UBXN2A: variants seen among roughly 807,000 people sequenced by gnomAD.
UBXN2A encodes UBX domain-containing protein 2A.
Under a neutral mutation model 28.4 loss-of-function variants are expected in UBXN2A, and 28 were observed. The ratio of observed to expected loss-of-function variants is 0.99; its 90% confidence interval spans 0.73 to 1.35. The LOEUF (loss-of-function observed/expected upper bound fraction) is 1.35, where lower values mean the gene tolerates loss of function less well. Among genes scored for constraint, UBXN2A ranks in the 40% most tolerant of loss-of-function variants. UBXN2A has a pLI of 0.00. For missense variants in UBXN2A, 253 were observed against 297.9 expected, an observed-to-expected ratio of 0.85 and a Z score of 1.11; for synonymous variants, 97 against 103.6, an observed-to-expected ratio of 0.94 and a Z score of 0.39.
At chr2:23,983,539 A>T (rs1022996696) in intron 5 of UBXN2A, among the ~76,000 whole-genome samples, 2 of 152,128 alleles carry the variant, frequency 1.3e-5, no homozygotes, top group Non-Finnish European at 2.9e-5. Context: ...ATACAGTAAA[A>T]AATCATGCAG....
At chr2:23,950,264 C>T (rs1289191960) in intron 1 of UBXN2A, among the ~76,000 whole-genome samples, 1 of 151,950 alleles carries the variant, frequency 6.6e-6, no homozygotes, top group Non-Finnish European at 1.5e-5. Context: ...TGAGCTGGGA[C>T]TTAAAGGATA....
chr2:23,973,681 C>T (rs62127979), intron 3 of UBXN2A, among the ~76,000 whole-genome samples: 1 of 150,826 alleles, frequency 6.6e-6, no homozygotes, highest in South Asian at 2.1e-4. Context: ...GTCACTCAGG[C>T]TGGAGTGCAG....
intron 1 of UBXN2A, among the ~76,000 whole-genome samples, chr2:23,930,748 G>C (rs1705342081): frequency 6.6e-6 from 1 of 152,196 alleles, no homozygotes; most frequent in Non-Finnish European, 1.5e-5. Context: ...GCTGGTTGCA[G>C]TGGCTCATGC....
intron 6 of UBXN2A, among the ~76,000 whole-genome samples, chr2:23,987,639 G>C (rs186540333): frequency 6.6e-6 from 1 of 151,774 alleles, no homozygotes; most frequent in East Asian, 1.9e-4. Context: ...TTAGCCGGGC[G>C]TGGTGGCAAG....
At chr2:23,983,388 T>G (rs2150896137) in intron 5 of UBXN2A, among the ~76,000 whole-genome samples, 1 of 152,050 alleles carries the variant, frequency 6.6e-6, no homozygotes, top group Non-Finnish European at 1.5e-5. Context: ...GTGTCTGTAA[T>G]CCCAGCTCCT....
At chr2:23,948,947 T>G (rs1330382255) in intron 1 of UBXN2A, among the ~76,000 whole-genome samples, 2 of 126,932 alleles carry the variant, frequency 1.6e-5, no homozygotes, top group African/African-American at 5.4e-5. Context: ...TCTTGTAGCT[T>G]TTTTTTTTTT....
intron 1 of UBXN2A, among the ~76,000 whole-genome samples, chr2:23,946,532 A>G (rs1181954567): frequency 1.3e-5 from 2 of 151,612 alleles, no homozygotes; most frequent in Non-Finnish European, 2.9e-5. Context: ...CATGTTGGCC[A>G]GGATGGTCTC....
intron 6 of UBXN2A, among the ~76,000 whole-genome samples, chr2:23,987,132 A>G (rs1419787025): frequency 1.3e-5 from 2 of 152,190 alleles, no homozygotes; most frequent in Non-Finnish European, 2.9e-5. Context: ...TTAATTAAAA[A>G]TAGAAACATG....
chr2:23,976,256 A>G (rs1707659292), intron 3 of UBXN2A, among the ~76,000 whole-genome samples: 1 of 152,160 alleles, frequency 6.6e-6, no homozygotes, highest in African/African-American at 2.4e-5. Context: ...CTAAGGGAAG[A>G]TTGCGGTGAA....
At chr2:23,995,969 C>T (rs1244856937) in intron 6 of UBXN2A, among the ~76,000 whole-genome samples, 1 of 152,060 alleles carries the variant, frequency 6.6e-6, no homozygotes. Context: ...AATCTCGGCT[C>T]ACTGCAACCT....
At position 23,931,840 on chromosome 2, in the gene UBXN2A, G is replaced by A. The variant is rs536802142; in HGVS notation, c.-138+4225G>A. ...AGCCTGAGCAACATAGTGAAACCCC[G>A]TCTCTACTACAGATACAAAAATTAG... On this transcript the variant is annotated intron_variant, in intron 1 of 7. Transcript: ENST00000404924. Among the ~76,000 whole-genome samples the A allele has an allele frequency of 8.6e-5, 13 of 151,900 alleles. No homozygotes were observed. In the East Asian group the frequency reaches 1.9e-3, roughly 23 times the overall value.
chr2:23,979,495 T>A (rs1360306769), intron 4 of UBXN2A, among the ~76,000 whole-genome samples: 1 of 152,240 alleles, frequency 6.6e-6, no homozygotes, highest in African/African-American at 2.4e-5. Flanking sequence ...TTTAAATTCA[T>A]CATTATAAAA....
intron 1 of UBXN2A, among the ~76,000 whole-genome samples, chr2:23,932,042 A>G (rs1169512431): frequency 6.6e-6 from 1 of 150,614 alleles, no homozygotes; most frequent in Admixed American, 6.6e-5. Context: ...AAAGCAGGCC[A>G]GGTGCAGTGG....
At chr2:23,945,679 TA>T (rs1315827053) in intron 1 of UBXN2A, among the ~76,000 whole-genome samples, 1 of 151,862 alleles carries the variant, frequency 6.6e-6, no homozygotes, top group African/African-American at 2.4e-5. Context: ...ATCCATAATC[TA>T]AAAAAAAGTG....
chr2:23,962,701 G>A (rs1054012722), intron 2 of UBXN2A, among the ~76,000 whole-genome samples: 2 of 150,546 alleles, frequency 1.3e-5, no homozygotes, highest in African/African-American at 4.9e-5. Flanking sequence ...AGCCTCCTGG[G>A]TTCAAGCCAT....
intron 6 of UBXN2A, among the ~76,000 whole-genome samples, chr2:23,986,381 TC>T (rs1708131653): frequency 1.3e-5 from 2 of 152,098 alleles, no homozygotes; most frequent in South Asian, 4.1e-4. Context: ...TTCATTCTCA[TC>T]ATTTGATTCA....
At chr2:23,991,057 A>G (rs1473350627) in intron 6 of UBXN2A, among the ~76,000 whole-genome samples, 2 of 152,138 alleles carry the variant, frequency 1.3e-5, no homozygotes, top group Non-Finnish European at 2.9e-5. Flanking sequence ...GATGCCTCCC[A>G]TGTTCTGTCC....
intron 1 of UBXN2A, 54 bp from the exon 2 acceptor site, chr2:23,958,247 A>G (rs1706729376): frequency 6.2e-6 from 9 of 1,454,230 alleles, no homozygotes; most frequent in Middle Eastern, 2.1e-4. Context: ...GGTAACTTAC[A>G]TATTAAGCTT....
chr2:23,966,328 G>T (rs1480639394), intron 2 of UBXN2A, among the ~76,000 whole-genome samples: 1 of 151,948 alleles, frequency 6.6e-6, no homozygotes, highest in Non-Finnish European at 1.5e-5. Flanking sequence ...AGTAGAGACG[G>T]GGTTTCACCG....
Sources: allele counts gnomAD v4.1 joint callset (sites outside exome capture counted in the v4.1 genomes callset), GRCh38; gene constraint gnomAD v4.1.1; transcripts MANE v1.5; gene names NCBI Gene and HGNC (gene_info 2026-07-23, HGNC 2026-07-21).